RAD51B: variants seen among roughly 807,000 people sequenced by gnomAD.
RAD51B encodes the protein DNA repair protein RAD51 homolog 2.
In RAD51B, 38 loss-of-function variants were observed where a neutral mutation model predicts 42.2. The observed-to-expected ratio is 0.90, with a 90% CI of 0.70 to 1.18. The LOEUF is 1.18. Among genes scored for constraint, RAD51B ranks in the 50% most tolerant of loss-of-function variants. The pLI, the probability that RAD51B is intolerant of heterozygous loss-of-function variation, is 0.00. For synonymous variants in RAD51B, 154 were observed against 145.2 expected (o/e 1.06, Z -0.43); for missense variants, 373 against 400.7 (o/e 0.93, Z 0.59).
chr14:68,437,389 G>A (rs187095346), intron 9 of RAD51B, among the ~76,000 whole-genome samples: 56 of 152,234 alleles, frequency 3.7e-4, no homozygotes, highest in Admixed American at 3.7e-3. Flanking sequence ...ACTTTTTTAT[G>A]TACTACTGGA....
chr14:68,570,324 A>T (rs1235041448), intron 10 of RAD51B, among the ~76,000 whole-genome samples: 1 of 151,716 alleles, frequency 6.6e-6, no homozygotes, highest in African/African-American at 2.4e-5. Flanking sequence ...CAGAATTATG[A>T]CTCTCTCCCC....
At chr14:67,849,911 T>A (rs778226324) in intron 4 of RAD51B, among the ~76,000 whole-genome samples, 6 of 152,338 alleles carry the variant, frequency 3.9e-5, no homozygotes, top group Middle Eastern at 3.4e-3. Flanking sequence ...AGAGAGCTAC[T>A]GTGATTCTTT....
At chr14:68,683,091 C>T in intron 11 of RAD51B, 2 of 319,926 alleles carry the variant, frequency 6.3e-6, no homozygotes, top group Non-Finnish European at 8.5e-6. Flanking sequence ...ATGGGGCCTG[C>T]CAAAACGTAC....
intron 10 of RAD51B, among the ~76,000 whole-genome samples, chr14:68,546,493 G>A (rs1833554484): frequency 6.6e-6 from 1 of 152,228 alleles, no homozygotes; most frequent in South Asian, 2.1e-4. Context: ...TGTATGATTT[G>A]AGACAACCAT....
At chr14:68,657,490 T>C (rs1892839994) in intron 11 of RAD51B, among the ~76,000 whole-genome samples, 1 of 152,192 alleles carries the variant, frequency 6.6e-6, no homozygotes, top group African/African-American at 2.4e-5. Flanking sequence ...TCCCCATCAT[T>C]AAATGTAGAG....
chr14:68,679,562 A>C (rs1197860477), intron 11 of RAD51B, among the ~76,000 whole-genome samples: 1 of 152,256 alleles, frequency 6.6e-6, no homozygotes, highest in Non-Finnish European at 1.5e-5. Flanking sequence ...ACTGGTGTCT[A>C]GGAAAGGCCA....
At chr14:68,514,141 T>C (rs1885959322) in intron 10 of RAD51B, among the ~76,000 whole-genome samples, 2 of 152,358 alleles carry the variant, frequency 1.3e-5, no homozygotes, top group South Asian at 4.1e-4. Context: ...TCTGAGCCTC[T>C]GTTTTCTGAT....
At chr14:68,117,488 G>C (rs1365299600) in intron 7 of RAD51B, among the ~76,000 whole-genome samples, 1 of 152,134 alleles carries the variant, frequency 6.6e-6, no homozygotes, top group Non-Finnish European at 1.5e-5. Context: ...CAGGCTGCTT[G>C]TTCTCTGCCA....
At chr14:68,187,866 G>A (rs953410432) in intron 7 of RAD51B, among the ~76,000 whole-genome samples, 2 of 152,112 alleles carry the variant, frequency 1.3e-5, no homozygotes, top group East Asian at 3.8e-4. Context: ...CCAGGCTGGA[G>A]TGCAGTGGCG....
chr14:68,371,195 G>C (rs572636932), intron 8 of RAD51B, among the ~76,000 whole-genome samples: 1 of 152,054 alleles, frequency 6.6e-6, no homozygotes, highest in African/African-American at 2.4e-5. Context: ...ACAGATTGGG[G>C]TGGGAGGTGC....
chr14:68,035,315 C>A (rs1413172065), intron 7 of RAD51B, among the ~76,000 whole-genome samples: 1 of 152,032 alleles, frequency 6.6e-6, no homozygotes, highest in Admixed American at 6.6e-5. Flanking sequence ...CCCAAATACT[C>A]TGTGAAAACA....
intron 10 of RAD51B, among the ~76,000 whole-genome samples, chr14:68,561,394 G>A (rs1294969799): frequency 6.6e-6 from 1 of 152,168 alleles, no homozygotes; most frequent in Non-Finnish European, 1.5e-5. Flanking sequence ...CTGAGGTTGG[G>A]CATCTAGAGG....
At chr14:68,075,973 C>T (rs1408847213) in intron 7 of RAD51B, among the ~76,000 whole-genome samples, 4 of 152,196 alleles carry the variant, frequency 2.6e-5, no homozygotes, top group Non-Finnish European at 4.4e-5. Context: ...TGCTACTGAC[C>T]GAATTGTTCA....
intron 8 of RAD51B, among the ~76,000 whole-genome samples, chr14:68,335,112 C>G (rs1346860277): frequency 6.6e-6 from 1 of 150,454 alleles, no homozygotes; most frequent in African/African-American, 2.4e-5. Context: ...GCCTGGCCAA[C>G]ATAGTCAAAC....
At chr14:68,099,978 ATTT>A (rs1349440650) in intron 7 of RAD51B, among the ~76,000 whole-genome samples, 1 of 152,190 alleles carries the variant, frequency 6.6e-6, no homozygotes, top group East Asian at 1.9e-4. Context: ...AAATAAACAC[ATTT>A]TATGAGAGGA....
At chr14:68,489,459 G>A (rs1883901535) in intron 10 of RAD51B, among the ~76,000 whole-genome samples, 1 of 152,206 alleles carries the variant, frequency 6.6e-6, no homozygotes, top group Non-Finnish European at 1.5e-5. Flanking sequence ...TGCCTAGTAA[G>A]AAAGCAGTAA....
At chr14:68,165,624 A>G (rs1180730260) in intron 7 of RAD51B, among the ~76,000 whole-genome samples, 1 of 152,198 alleles carries the variant, frequency 6.6e-6, no homozygotes, top group African/African-American at 2.4e-5. Flanking sequence ...ACTAGCCAAC[A>G]AAACAGTATT....
At chr14:68,293,924 A>G (rs1029156835) in intron 8 of RAD51B, among the ~76,000 whole-genome samples, 3 of 152,250 alleles carry the variant, frequency 2.0e-5, no homozygotes, top group African/African-American at 4.8e-5. Context: ...TGCTGAATGA[A>G]TATCACAGTA....
intron 10 of RAD51B, among the ~76,000 whole-genome samples, chr14:68,633,033 GGTCTT>G (rs1334468279): frequency 1.3e-4 from 16 of 119,792 alleles, no homozygotes; most frequent in Admixed American, 3.5e-4. Context: ...TGCCCAGGCT[GGTCTT>G]GAACACATGG....
Sources: allele counts gnomAD v4.1 joint callset (sites outside exome capture counted in the v4.1 genomes callset), GRCh38; gene constraint gnomAD v4.1.1; transcripts MANE v1.5; gene names NCBI Gene and HGNC (gene_info 2026-07-23, HGNC 2026-07-21).